COL18A1: variants seen among roughly 807,000 people sequenced by gnomAD.
COL18A1 encodes the protein collagen type XVIII alpha 1 chain.
A neutral mutation model predicts 168.0 loss-of-function variants in COL18A1; 133 were observed. The observed-to-expected ratio is 0.79, with a 90% confidence interval of 0.69 to 0.91. The LOEUF is 0.91. Among genes scored for constraint, COL18A1 ranks in the 40% least tolerant of loss-of-function variants. The probability of loss-of-function intolerance (pLI) is 0.00; values close to 1 mark genes in which losing one functional copy is unlikely to be tolerated. For synonymous variants in COL18A1, 949 were observed against 809.0 expected (o/e 1.17, Z -2.94); for missense variants, 2,126 against 1,925.4 (o/e 1.10, Z -1.95).
chr21:45,484,296 GCACA>G (rs72303199), intron 15 of COL18A1, among the ~76,000 whole-genome samples: 14 of 127,444 alleles, frequency 1.1e-4, no homozygotes, highest in African/African-American at 3.1e-4. Context: ...CAGCATATGT[GCACA>G]CACACACCTC....
At chr21:45,435,658 C>T (rs1362293765) in intron 2 of COL18A1, among the ~76,000 whole-genome samples, 2 of 152,066 alleles carry the variant, frequency 1.3e-5, no homozygotes, top group Admixed American at 6.5e-5. Context: ...AGGAAGTGAG[C>T]GTTTGCCCAC....
intron 2 of COL18A1, chr21:45,455,731 G>A (rs757709318): frequency 3.7e-6 from 6 of 1,613,790 alleles, no homozygotes; most frequent in Non-Finnish European, 5.1e-6. Flanking sequence ...TGACCCCCCG[G>A]AATGGTTCCA....
Position 45,512,675 on chromosome 21 carries a change from T to C in COL18A1, c.*277T>C, listed in dbSNP as rs17004784. ...TCAGGCAGGGTGCAGTATCATGCCC[T>C]GTGCAACCTCTTGGCCTGATCAGAC... On this transcript the variant is annotated 3_prime_UTR_variant, in exon 42 of 42. Coordinates refer to ENST00000651438, the MANE Select transcript of COL18A1 (RefSeq NM_001379500.1). The C allele has an allele frequency of 0.015, 8,058 of 523,560 alleles. 391 individuals are homozygous for C. The highest frequency in any genetic ancestry group is 0.12 in the African/African-American group (6,039 of 52,268). The allele number at this position is 523,560 out of a possible 1,614,324, so 32.4% of individuals were successfully genotyped here. A position where few individuals can be genotyped will look rare whatever the true frequency, so the allele number is the denominator to read the frequency against.
chr21:45,426,807 C>T (rs1395807287), intron 2 of COL18A1, among the ~76,000 whole-genome samples: 2 of 152,216 alleles, frequency 1.3e-5, no homozygotes, highest in Non-Finnish European at 2.9e-5. Flanking sequence ...TGTCTTTTCT[C>T]CTCTGTTGAG....
chr21:45,505,934 G>C lies in COL18A1; in HGVS notation c.3184G>C (p.Val1062Leu). Residue 1062 changes from valine (V) to leucine (L), a missense_variant, in exon 37 of 42, where the codon GTC becomes CTC. Transcript: ENST00000651438. ...IFVAEQEELY[V>L]RVQNGFRKVQ... ...CGTGGCCGAGCAGGAGGAGCTCTAC[G>C]TCCGCGTGCAGAACGGGTTCCGGAA... 2 of 1,613,204 alleles carry C rather than the reference G, an allele frequency of 1.2e-6. No homozygotes were observed. The highest frequency in any genetic ancestry group is 1.1e-5 in the South Asian group (1 of 91,082).
In COL18A1 at chr21:45,437,451, CACAG is replaced by C. The variant is rs58265008; in HGVS notation, c.107-30783_107-30780del. On this transcript the variant is annotated intron_variant, in intron 2 of 41. Coordinates refer to ENST00000651438, the MANE Select transcript of COL18A1 (RefSeq NM_001379500.1). The stretch of plus-strand genomic sequence containing the variant: ...ACTCTCCTGCACACACACACTCACT[CACAG>C]ACAGACACACAGGCACTCTCCTGCA... Among the ~76,000 whole-genome samples the C allele has an allele frequency of 4.4e-4, 32 of 73,518 alleles. 1 individual carries two copies. Among genetic ancestry groups the C allele is most frequent in the African/African-American group, 1.2e-3 (15 of 12,228 alleles). The allele number at this position is 73,518 out of a possible 152,430, so 48.2% of individuals were successfully genotyped here. A position where few individuals can be genotyped will look rare whatever the true frequency, so the allele number is the denominator to read the frequency against.
intron 2 of COL18A1, among the ~76,000 whole-genome samples, chr21:45,413,252 C>T (rs2033350358): frequency 6.6e-6 from 1 of 152,242 alleles, no homozygotes; most frequent in South Asian, 2.1e-4. Flanking sequence ...CTTACTGAGC[C>T]CCGCGCTGTG....
At chr21:45,496,298 G>A (rs1288130623) in intron 29 of COL18A1, 1 of 713,524 alleles carries the variant, frequency 1.4e-6, no homozygotes, top group Non-Finnish European at 2.6e-6. Flanking sequence ...CACGACTCCA[G>A]CGTGGGATGA....
chr21:45,510,414 G>T (rs2037510462), intron 40 of COL18A1, among the ~76,000 whole-genome samples, 153 bp downstream of exon 40: 1 of 152,164 alleles, frequency 6.6e-6, no homozygotes. Flanking sequence ...CAGGCTCCGG[G>T]TGGGTCACAC....
chr21:45,422,712 C>A (rs1001064821), intron 2 of COL18A1: 18 of 292,006 alleles, frequency 6.2e-5, no homozygotes, highest in Non-Finnish European at 1.1e-4. Context: ...CTGGGTGAGG[C>A]GGGGCTGTGG....
At position 45,498,198 on chromosome 21, in the gene COL18A1, G is replaced by A; in HGVS notation, c.2683+537G>A. On this transcript the variant is annotated intron_variant, in intron 32 of 41. Transcript: ENST00000651438. This position sits in a 1 kb window ranked among gnomAD's most constrained non-coding sequence, Gnocchi z 4.5. Reference sequence around the variant, plus strand: ...CTGCCAAGACCACTGAGAACAGCTGGATAAAATGTGAGAAAACCACTGTTT... The same window carrying A: ...CTGCCAAGACCACTGAGAACAGCTGAATAAAATGTGAGAAAACCACTGTTT... 1 of 699,740 alleles carries A rather than the reference G, an allele frequency of 1.4e-6. No homozygotes were observed. The highest frequency in any genetic ancestry group is 1.5e-5 in the South Asian group (1 of 67,296). The allele number at this position is 699,740 out of a possible 1,614,324, so 43.3% of individuals were successfully genotyped here. A position where few individuals can be genotyped will look rare whatever the true frequency, so the allele number is the denominator to read the frequency against.
chr21:45,478,672 G>A (rs1018151472), intron 9 of COL18A1, among the ~76,000 whole-genome samples: 3 of 151,780 alleles, frequency 2.0e-5, no homozygotes, highest in Non-Finnish European at 4.4e-5. Context: ...AGGGGGTGGT[G>A]CAAGTCGGCG....
At chr21:45,494,289 A>G in intron 26 of COL18A1, 1 of 446,938 alleles carries the variant, frequency 2.2e-6, no homozygotes, top group Non-Finnish European at 4.0e-6. Context: ...GTCCCGGGGC[A>G]TGCATGCACG....
chr21:45,509,891 G>A (rs1364481025), intron 39 of COL18A1, among the ~76,000 whole-genome samples, 173 bp from the exon 40 acceptor site: 1 of 152,196 alleles, frequency 6.6e-6, no homozygotes, highest in East Asian at 1.9e-4. Flanking sequence ...CTCTGACCTG[G>A]CAGCGTATGG....
intron 2 of COL18A1, among the ~76,000 whole-genome samples, chr21:45,428,616 A>G (rs8127074): frequency 0.029 from 4,362 of 152,278 alleles, 206 homozygotes; most frequent in African/African-American, 0.099. Flanking sequence ...GCCCTGGGCC[A>G]TCACGCAGCC....
Position 45,493,517 on chromosome 21 carries a change from C to G in COL18A1, c.2294C>G (p.Pro765Arg). 6.4e-7 allele frequency: 1 copy of G among 1,561,504 alleles called. No individual in the cohort carries two copies. The highest frequency in any genetic ancestry group is 8.7e-7 in the Non-Finnish European group (1 of 1,153,838). ...SPGPKGEKGEPGSIFSPDGGA... is the reference protein window; with the variant it reads ...SPGPKGEKGERGSIFSPDGGA... ...CCATTCCAGGGTGAGAAGGGTGAAC[C>G]GGGCAGCATCTTCAGCCCCGACGGC... Residue 765 changes from proline to arginine, a missense_variant, in exon 26 of 42, where the codon CCG becomes CGG. Coordinates refer to ENST00000651438, the MANE Select transcript of COL18A1 (RefSeq NM_001379500.1).
intron 32 of COL18A1, chr21:45,502,519 A>G (rs1228479251): frequency 6.6e-6 from 1 of 152,226 alleles, no homozygotes; most frequent in Non-Finnish European, 1.5e-5. Flanking sequence ...AAAATGAGTG[A>G]AGAGAAATTG....
rs2037102225 is a variant in COL18A1 at position 45,504,949 on chromosome 21, C to T, written c.2869-185C>T. ...TCTGCTGGTCTCTCCCCCGGGATCGCACCCCCAGGGAAGAAGGGGTGATGG... is the reference window on the plus strand; with the variant it reads ...TCTGCTGGTCTCTCCCCCGGGATCGTACCCCCAGGGAAGAAGGGGTGATGG... On this transcript the variant is annotated intron_variant, in intron 34 of 41. Transcript: ENST00000651438. Among the ~76,000 whole-genome samples, 5 of 152,126 alleles carry T rather than the reference C, an allele frequency of 3.3e-5. No individual in the cohort carries two copies. The South Asian group carries it at 1.0e-3, about 32-fold the overall frequency.
intron 2 of COL18A1, among the ~76,000 whole-genome samples, chr21:45,449,662 G>A (rs566171837): frequency 4.6e-5 from 7 of 152,158 alleles, no homozygotes; most frequent in African/African-American, 9.7e-5. Flanking sequence ...CTCTGCTACC[G>A]TAGGTCTTCA....
Sources: gnomAD v4.1 joint callset for allele counts (sites outside exome capture counted in the v4.1 genomes callset) on GRCh38, gnomAD v4.1.1 for gene constraint, Gnocchi (gnomAD v3.1) non-coding constraint, MANE v1.5 for transcripts, NCBI Gene and HGNC (gene_info 2026-07-23, HGNC 2026-07-21) for gene names.